Variants in CNTNAP2 observed in about 807,000 individuals in gnomAD.
The protein encoded by CNTNAP2 is contactin associated protein 2.
Under a neutral mutation model 155.2 loss-of-function variants are expected in CNTNAP2, and 98 were observed. The ratio of observed to expected loss-of-function variants is 0.63; its 90% CI spans 0.54 to 0.75. The LOEUF is 0.75. Among genes scored for constraint, CNTNAP2 ranks in the 30% least tolerant of loss-of-function variants. The pLI is 0.00. For missense variants in CNTNAP2, 1,727 were observed against 1,688.1 expected (o/e 1.02, Z -0.40); for synonymous variants, 651 against 631.2 (o/e 1.03, Z -0.47).
At chr7:146,841,878 T>C (rs900555586) in intron 3 of CNTNAP2, among the ~76,000 whole-genome samples, 3 of 144,774 alleles carry the variant, frequency 2.1e-5, no homozygotes, top group Admixed American at 1.4e-4. Flanking sequence ...GTTCAGCTTG[T>C]CTTGGAGTCT....
intron 8 of CNTNAP2, among the ~76,000 whole-genome samples, chr7:147,218,420 G>A (rs1002655555): frequency 5.9e-5 from 9 of 151,590 alleles, no homozygotes; most frequent in African/African-American, 1.9e-4. Context: ...TGTGTTCATT[G>A]TTTAATCTCC....
intron 1 of CNTNAP2, among the ~76,000 whole-genome samples, chr7:146,618,122 G>C (rs767997030): frequency 7.2e-5 from 11 of 152,118 alleles, no homozygotes; most frequent in Non-Finnish European, 1.2e-4. Flanking sequence ...CAAATTCACT[G>C]CTCAGCGTGG....
intron 1 of CNTNAP2, among the ~76,000 whole-genome samples, chr7:146,622,979 A>G (rs1256937257): frequency 6.7e-6 from 1 of 149,086 alleles, no homozygotes; most frequent in Admixed American, 6.6e-5. Flanking sequence ...GAAAAAAGAA[A>G]AAAGAAAAAA....
At chr7:148,237,681 G>A (rs369497424) in intron 20 of CNTNAP2, among the ~76,000 whole-genome samples, 1 of 151,576 alleles carries the variant, frequency 6.6e-6, no homozygotes, top group East Asian at 1.9e-4. Context: ...TGTAAAGTCA[G>A]TAGTCTGAGG....
intron 14 of CNTNAP2, among the ~76,000 whole-genome samples, chr7:147,918,634 C>T (rs1800204973): frequency 1.3e-5 from 2 of 151,950 alleles, no homozygotes; most frequent in Non-Finnish European, 2.9e-5. Flanking sequence ...ATTTAATGCC[C>T]GGTATTAAGG....
intron 1 of CNTNAP2, among the ~76,000 whole-genome samples, chr7:146,584,068 T>G (rs1402533329): frequency 6.6e-6 from 1 of 152,156 alleles, no homozygotes; most frequent in South Asian, 2.1e-4. Flanking sequence ...ATCTATTTCT[T>G]CAAGACAAAA....
At chr7:146,151,332 C>T (rs1170558561) in intron 1 of CNTNAP2, among the ~76,000 whole-genome samples, 3 of 151,838 alleles carry the variant, frequency 2.0e-5, no homozygotes, top group Admixed American at 6.6e-5. Flanking sequence ...ATATAGTACT[C>T]GTACTTATTC....
chr7:146,870,154 G>A (rs533089835), intron 3 of CNTNAP2, among the ~76,000 whole-genome samples: 1 of 151,756 alleles, frequency 6.6e-6, no homozygotes, highest in Admixed American at 6.6e-5. Context: ...CTGTGGAATG[G>A]TACCGGCTCT....
At chr7:146,142,258 A>G (rs555252312) in intron 1 of CNTNAP2, among the ~76,000 whole-genome samples, 24 of 152,216 alleles carry the variant, frequency 1.6e-4, no homozygotes, top group Admixed American at 8.5e-4. Context: ...GGGTTAGTGA[A>G]GAGAGGGCTT....
chr7:147,557,132 C>T (rs988172059), intron 11 of CNTNAP2, among the ~76,000 whole-genome samples: 8 of 151,948 alleles, frequency 5.3e-5, no homozygotes, highest in Non-Finnish European at 2.9e-5. Context: ...GACATGTTGG[C>T]AGGCACCTGT....
chr7:147,894,027 G>T (rs1799735617), intron 13 of CNTNAP2: 1 of 152,336 alleles, frequency 6.6e-6, no homozygotes, highest in African/African-American at 2.4e-5. Flanking sequence ...GCTATCAGAT[G>T]ATTTGGAGGA....
At chr7:147,323,789 T>C (rs547255226) in intron 9 of CNTNAP2, among the ~76,000 whole-genome samples, 1 of 152,300 alleles carries the variant, frequency 6.6e-6, no homozygotes, top group South Asian at 2.1e-4. Flanking sequence ...GTAAAATTAG[T>C]TTTTTAAGCA....
chr7:147,502,543 T>G (rs770378589), intron 11 of CNTNAP2, among the ~76,000 whole-genome samples: 2 of 152,108 alleles, frequency 1.3e-5, no homozygotes, highest in Non-Finnish European at 2.9e-5. Context: ...AACTTTCAAT[T>G]ACAAGATGAA....
At chr7:148,225,922 G>A (rs1795839811) in intron 19 of CNTNAP2, among the ~76,000 whole-genome samples, 1 of 152,142 alleles carries the variant, frequency 6.6e-6, no homozygotes, top group Non-Finnish European at 1.5e-5. Context: ...AATACTTTTG[G>A]GGAGAGAAGA....
chr7:147,840,675 C>T (rs1241363245), intron 13 of CNTNAP2, among the ~76,000 whole-genome samples: 5 of 151,814 alleles, frequency 3.3e-5, no homozygotes, highest in Middle Eastern at 3.2e-3. Flanking sequence ...AAGGAAGGAT[C>T]GAATGGAGAT....
Position 147,910,788 on chromosome 7 carries a change from A to G in CNTNAP2, c.2255+7067A>G, listed in dbSNP as rs550411502. ...TGGGGGATACCACCCCCATGATTCA[A>G]TTATCTCCACCTGGTCCCGCCCTTA... On this transcript the variant is annotated intron_variant, in intron 14 of 23. Transcript: ENST00000361727. 9.7e-4 allele frequency among the ~76,000 whole-genome samples: 147 copies of G among 152,246 alleles called. 2 individuals carry two copies. The South Asian group carries it at 0.017, about 18-fold the overall frequency.
At chr7:147,232,123 A>G (rs542249871) in intron 8 of CNTNAP2, among the ~76,000 whole-genome samples, 2 of 152,352 alleles carry the variant, frequency 1.3e-5, no homozygotes, top group African/African-American at 4.8e-5. Flanking sequence ...TTATCCAAGA[A>G]GGTGAAGATC....
intron 1 of CNTNAP2, among the ~76,000 whole-genome samples, chr7:146,760,528 C>T (rs1002271359): frequency 6.9e-6 from 1 of 145,240 alleles, no homozygotes; most frequent in South Asian, 2.3e-4. Context: ...GGGTTCAAGC[C>T]ATCCTCCCAC....
At chr7:146,999,475 T>G (rs2129240588) in intron 3 of CNTNAP2, among the ~76,000 whole-genome samples, 1 of 152,210 alleles carries the variant, frequency 6.6e-6, no homozygotes, top group East Asian at 1.9e-4. Context: ...TTTTGTGTAC[T>G]TACATTACAG....
Sources: allele counts gnomAD v4.1 joint callset (sites outside exome capture counted in the v4.1 genomes callset), GRCh38; gene constraint gnomAD v4.1.1; transcripts MANE v1.5; gene names NCBI Gene and HGNC (gene_info 2026-07-23, HGNC 2026-07-21).